The following SEMA6D variants were observed in gnomAD, a reference collection of about 807,000 sequenced individuals.
SEMA6D encodes semaphorin-6D.
A neutral mutation model predicts 106.6 loss-of-function variants in SEMA6D; 35 were observed. The observed-to-expected ratio is 0.33, with a 90% confidence interval of 0.25 to 0.44. The LOEUF (loss-of-function observed/expected upper bound fraction) is 0.44, where lower values mean the gene tolerates loss of function less well. SEMA6D is among the 20% of genes least tolerant of loss of function. The pLI is 1.00. For synonymous variants in SEMA6D, 499 were observed against 487.7 expected, an observed-to-expected ratio of 1.02 and a Z score of -0.31; for missense variants, 1,185 against 1,345.9, an observed-to-expected ratio of 0.88 and a Z score of 1.87.
rs1227525865 is a variant in SEMA6D at position 47,770,531 on chromosome 15, C to T, written c.1968C>T (p.Asn656=). 5 of 1,607,374 alleles carry T rather than the reference C, an allele frequency of 3.1e-6. No individual in the cohort carries two copies. The East Asian group carries it at 9.0e-5, about 29-fold the overall frequency. Residue 656 remains asparagine, a synonymous_variant, in exon 19 of 19, where the codon AAC becomes AAT. Coordinates refer to ENST00000536845, the MANE Select transcript of SEMA6D (RefSeq NM_001358351.3). ...VRWEVQSGES[N]QMVHMNVLIT... is the part of the protein sequence containing the mutation. ...GGGAAGTCCAGTCTGGAGAGTCCAA[C>T]CAGATGGTCCACATGAATGTCCTCA...
intron 1 of SEMA6D, among the ~76,000 whole-genome samples, chr15:47,222,124 C>G (rs1286264701): frequency 1.3e-5 from 2 of 152,146 alleles, no homozygotes; most frequent in African/African-American, 4.8e-5. Context: ...TGATAAAACA[C>G]AAGTTCCCAG....
At chr15:47,390,996 A>G (rs1455811795) in intron 1 of SEMA6D, among the ~76,000 whole-genome samples, 1 of 152,136 alleles carries the variant, frequency 6.6e-6, no homozygotes, top group Non-Finnish European at 1.5e-5. Flanking sequence ...ATTATTTCCA[A>G]GAAGATTCTT....
rs1018311987 is a variant in SEMA6D at position 47,770,034 on chromosome 15, T to C, written c.1934-463T>C. ...ATGTTCATATTAAAGTTAGTATAAT[T>C]GTATCAGAGTAATTATTTTAGCATA... On this transcript the variant is annotated intron_variant, in intron 18 of 18. Coordinates refer to ENST00000536845, the MANE Select transcript of SEMA6D (RefSeq NM_001358351.3). 4.6e-5 allele frequency among the ~76,000 whole-genome samples: 7 copies of C among 152,328 alleles called. No homozygotes were observed. In the South Asian group the frequency reaches 6.2e-4, roughly 14 times the overall value.
chr15:47,689,155 A>G (rs1219485272), intron 4 of SEMA6D, among the ~76,000 whole-genome samples: 1 of 152,212 alleles, frequency 6.6e-6, no homozygotes, highest in Non-Finnish European at 1.5e-5. Context: ...ATAATTTATC[A>G]GTAATATCTG....
At chr15:47,309,602 C>G (rs1288662531) in intron 1 of SEMA6D, among the ~76,000 whole-genome samples, 2 of 152,108 alleles carry the variant, frequency 1.3e-5, no homozygotes, top group African/African-American at 2.4e-5. Flanking sequence ...GTTTTACTAT[C>G]CATGGTTTTG....
In SEMA6D at chr15:47,717,509, C is replaced by CGCTGCTGCT. The variant is rs566206996; in HGVS notation, c.-226_-218dup. The CGCTGCTGCT allele has an allele frequency of 3.9e-5, 6 of 154,586 alleles. No homozygotes were observed. The highest frequency in any genetic ancestry group is 1.2e-4 in the African/African-American group (5 of 41,416). 9.6% of individuals were successfully genotyped at this position (154,586 alleles called of 1,614,324 possible). On this transcript the variant is annotated 5_prime_UTR_variant, in exon 1 of 19. Coordinates refer to ENST00000536845, the MANE Select transcript of SEMA6D (RefSeq NM_001358351.3). Reference sequence around the variant, plus strand: ...GGTTTGTTTTGCTCCTGCTCTGTCCCGCTGCTGCTGCTGCTGCTGCAAGGG... The same window carrying CGCTGCTGCT: ...GGTTTGTTTTGCTCCTGCTCTGTCCCGCTGCTGCTGCTGCTGCTGCTGCTGCTGCAAGGG...
At chr15:47,644,272 A>G (rs2144793734) in intron 4 of SEMA6D, among the ~76,000 whole-genome samples, 1 of 152,354 alleles carries the variant, frequency 6.6e-6, no homozygotes, top group Admixed American at 6.5e-5. Context: ...AATGAGTGAA[A>G]ATGGTATACA....
At chr15:47,266,343 T>C (rs11070574) in intron 1 of SEMA6D, among the ~76,000 whole-genome samples, 115,318 of 151,966 alleles carry the variant, frequency 0.76, 47,116 homozygotes, top group Non-Finnish European at 0.92. Flanking sequence ...AGGACTGCTC[T>C]TCCTCTCGGG....
upstream of SEMA6D, among the ~76,000 whole-genome samples, chr15:47,714,784 A>G (rs1387148516): frequency 2.6e-5 from 4 of 152,222 alleles, no homozygotes; most frequent in African/African-American, 9.6e-5. Context: ...GATCCAATCT[A>G]GAGCTGACTG....
rs987739071 is a variant in SEMA6D, at chr15:47,237,701, A to G, written c.-239+53283A>G. ...CTCTAGGGTTTGAGAGTAGGTCTGT[A>G]TAGGTAGGACTCTACACCCCCTTTT... On this transcript the variant is annotated intron_variant, in intron 1 of 19. Transcript: ENST00000558014. Among the ~76,000 whole-genome samples the G allele has an allele frequency of 7.9e-5, 12 of 151,950 alleles. 1 individual carries two copies. Among genetic ancestry groups the G allele is most frequent in the Non-Finnish European group, 7.4e-5 (5 of 68,002 alleles).
chr15:47,467,393 G>T (rs1488021142), intron 2 of SEMA6D, among the ~76,000 whole-genome samples: 1 of 152,166 alleles, frequency 6.6e-6, no homozygotes, highest in African/African-American at 2.4e-5. Context: ...ATGTAAACAT[G>T]TCGGTATTAA....
At chr15:47,663,061 A>G (rs1451754601) in intron 4 of SEMA6D, among the ~76,000 whole-genome samples, 1 of 152,194 alleles carries the variant, frequency 6.6e-6, no homozygotes, top group Non-Finnish European at 1.5e-5. Flanking sequence ...ATCAGAGTAA[A>G]GTACTCGTAA....
At position 47,291,572 on chromosome 15, in the gene SEMA6D, A is replaced by G. The variant is rs1020259920; in HGVS notation, c.-239+107154A>G. The stretch of plus-strand genomic sequence containing the variant: ...TTTGAAGCATTTGTCTCAGTTTTCT[A>G]TGGGAATTCTAGGGAATGGGACCAT... On this transcript the variant is annotated intron_variant, in intron 1 of 19. Transcript: ENST00000558014. 4.6e-5 allele frequency among the ~76,000 whole-genome samples: 7 copies of G among 152,078 alleles called. No individual in the cohort carries two copies. The South Asian group carries it at 6.2e-4, about 13-fold the overall frequency.
upstream of SEMA6D, among the ~76,000 whole-genome samples, chr15:47,712,793 A>G (rs952249703): frequency 6.6e-6 from 1 of 152,190 alleles, no homozygotes; most frequent in Non-Finnish European, 1.5e-5. Flanking sequence ...AAATTTGTAG[A>G]GAGAAGTCTG....
intron 1 of SEMA6D, among the ~76,000 whole-genome samples, chr15:47,267,158 T>G (rs1380243198): frequency 6.6e-6 from 1 of 152,154 alleles, no homozygotes; most frequent in African/African-American, 2.4e-5. Flanking sequence ...CTGAGTTTCT[T>G]AATGATCAAG....
chr15:47,428,075 G>A (rs949748071), intron 2 of SEMA6D, among the ~76,000 whole-genome samples: 2 of 151,954 alleles, frequency 1.3e-5, no homozygotes, highest in Non-Finnish European at 2.9e-5. Flanking sequence ...AGAGATCTAT[G>A]CTTAAAAAAT....
At chr15:47,375,980 G>T (rs1039711756) in intron 1 of SEMA6D, among the ~76,000 whole-genome samples, 1 of 152,214 alleles carries the variant, frequency 6.6e-6, no homozygotes, top group Non-Finnish European at 1.5e-5. Flanking sequence ...CCAGCTTGTG[G>T]TTGTAAATTG....
At chr15:47,563,380 A>AT (rs1324863483) in intron 3 of SEMA6D, among the ~76,000 whole-genome samples, 1 of 152,230 alleles carries the variant, frequency 6.6e-6, no homozygotes, top group Admixed American at 6.5e-5. Context: ...ATATGCCACT[A>AT]TATAGGCCAC....
chr15:47,761,371 C>A lies in SEMA6D; in HGVS notation c.387C>A (p.Asn129Lys). Residue 129 changes from asparagine (N) to lysine (K), a missense_variant, in exon 6 of 19, where the codon AAC (asparagine) becomes AAA (lysine). This residue lies in a region of SEMA6D where 291 missense variants were observed against 423.8 expected (regional missense o/e 0.69). Transcript: ENST00000536845. ...HNFIKVFVPR[N>K]DEMVFVCGTN... is the part of the protein sequence containing the mutation. ...TTATCAAAGTATTTGTTCCAAGAAA[C>A]GATGAGATGGTTTTTGTTTGTGGTA... is the stretch of plus-strand genomic sequence containing the variant. 6.2e-7 allele frequency: 1 copy of A among 1,613,374 alleles called. No individual in the cohort carries two copies. The highest frequency in any genetic ancestry group is 8.5e-7 in the Non-Finnish European group (1 of 1,179,648).
Sources: gnomAD v4.1 joint callset for allele counts (sites outside exome capture counted in the v4.1 genomes callset) on GRCh38, gnomAD v4.1.1 for gene constraint, gnomAD v4.1.1 regional missense constraint, MANE v1.5 for transcripts, NCBI Gene and HGNC (gene_info 2026-07-23, HGNC 2026-07-21) for gene names.